FTCDNL1: variants seen among roughly 807,000 people sequenced by gnomAD.
The protein encoded by FTCDNL1 is formiminotransferase cyclodeaminase N-terminal like.
FTCDNL1 carries 11 observed loss-of-function variants against 5.9 expected under a neutral mutation model. That is an observed-to-expected ratio of 1.87 (90% CI 1.18 to 3.10). The LOEUF (loss-of-function observed/expected upper bound fraction) is 3.10. Ranked by LOEUF, FTCDNL1 falls within the 30% of genes most tolerant of loss-of-function variation. FTCDNL1 has a pLI of 0.00. For synonymous variants in FTCDNL1, 58 were observed against 24.8 expected, an observed-to-expected ratio of 2.34 and a Z score of -3.99; for missense variants, 115 against 65.5, an observed-to-expected ratio of 1.76 and a Z score of -2.61.
chr2:199,811,254 T>C lies in FTCDNL1; in HGVS notation c.*1451A>G, dbSNP rs751752259. ...ATCAGTTTTAACATTGCACAGAGTA[T>C]AATTGGAATTTTTGTCAATCTTAAT... On this transcript the variant is annotated 3_prime_UTR_variant, in exon 5 of 5. Coordinates refer to ENST00000420128, the MANE Select transcript of FTCDNL1 (RefSeq NM_001363886.2). 1.2e-4 allele frequency among the ~76,000 whole-genome samples: 19 copies of C among 152,246 alleles called. No homozygotes were observed. Among genetic ancestry groups the C allele is most frequent in the Non-Finnish European group, 2.4e-4 (16 of 68,044 alleles).
chr2:199,754,903 T>G, the FTCDNL1 span, among the ~76,000 whole-genome samples: 1 of 152,372 alleles, frequency 6.6e-6, no homozygotes, highest in African/African-American at 2.4e-5. Flanking sequence ...AATAACAGTT[T>G]AAACACTTTT....
rs374926252 is a variant in FTCDNL1 at position 199,765,556 on chromosome 2, A to ATT, written c.212-4723_212-4722dup. On this transcript the variant is annotated intron_variant, in intron 3 of 3. Coordinates refer to the FTCDNL1 transcript ENST00000416668. The stretch of plus-strand genomic sequence containing the variant: ...ATTATATATATATATATATATATAT[A>ATT]TTTTTTTTTTTTTTTTTGGAGATGG... 7.1e-3 allele frequency among the ~76,000 whole-genome samples: 302 copies of ATT among 42,624 alleles called. 9 individuals carry two copies. Among genetic ancestry groups the ATT allele is most frequent in the Middle Eastern group, 0.022 (1 of 46 alleles). 28.0% of individuals were successfully genotyped at this position (42,624 alleles called of 152,430 possible).
intron 3 of FTCDNL1, among the ~76,000 whole-genome samples, chr2:199,826,767 C>A (rs1341108994): frequency 1.3e-5 from 2 of 152,142 alleles, no homozygotes; most frequent in African/African-American, 4.8e-5. Flanking sequence ...GCAATTCAGC[C>A]TGGGTGACAG....
intron 3 of FTCDNL1, among the ~76,000 whole-genome samples, chr2:199,824,857 G>C (rs760436941): frequency 3.3e-5 from 5 of 152,158 alleles, no homozygotes; most frequent in African/African-American, 1.2e-4. Context: ...CATAATAGTG[G>C]CTGGGCATGA....
chr2:199,743,626 C>T, the FTCDNL1 span, among the ~76,000 whole-genome samples: 1 of 151,964 alleles, frequency 6.6e-6, no homozygotes, highest in Non-Finnish European at 1.5e-5. Context: ...AGACTACATG[C>T]TGTGTGGAAC....
In FTCDNL1 at chr2:199,843,467, T is replaced by C. The variant is rs555036135; in HGVS notation, c.211+2608A>G. 2.6e-5 allele frequency among the ~76,000 whole-genome samples: 4 copies of C among 152,276 alleles called. No homozygotes were observed. In the East Asian group the frequency reaches 7.7e-4, roughly 29 times the overall value. On this transcript the variant is annotated intron_variant, in intron 3 of 4. Transcript: ENST00000420128. ...TGCTGAATTTTAACTCTTTCTTGGA[T>C]AAAACGTAAAGCAAGTCTGGAGCCA...
intron 3 of FTCDNL1, 139 bp from the exon 4 acceptor site, chr2:199,819,896 A>G (rs1387609641): frequency 6.7e-6 from 4 of 599,774 alleles, no homozygotes; most frequent in Non-Finnish European, 1.2e-5. Context: ...TGTCCAGATC[A>G]GTGGCATGAA....
intron 3 of FTCDNL1, among the ~76,000 whole-genome samples, chr2:199,845,344 A>G (rs1322960680): frequency 6.6e-6 from 1 of 152,100 alleles, no homozygotes; most frequent in African/African-American, 2.4e-5. Context: ...AGGCAGGCAA[A>G]TCACTTGAGG....
the FTCDNL1 span, among the ~76,000 whole-genome samples, chr2:199,723,197 G>A: frequency 1.7e-3 from 251 of 151,638 alleles, no homozygotes; most frequent in Non-Finnish European, 3.2e-3. Context: ...ACTTATGAGT[G>A]AGAACATAAT....
At chr2:199,733,067 T>C in the FTCDNL1 span, among the ~76,000 whole-genome samples, 1 of 152,126 alleles carries the variant, frequency 6.6e-6, no homozygotes, top group African/African-American at 2.4e-5. Context: ...AGGTACAGAC[T>C]ATTAGAGGGA....
chr2:199,787,535 C>T (rs1699721051), intron 3 of FTCDNL1, among the ~76,000 whole-genome samples: 1 of 152,090 alleles, frequency 6.6e-6, no homozygotes, highest in African/African-American at 2.4e-5. Context: ...CACAGGTTCT[C>T]GGGATTAAGA....
chr2:199,847,667 T>C (rs984473423), intron 2 of FTCDNL1, among the ~76,000 whole-genome samples: 2 of 152,198 alleles, frequency 1.3e-5, no homozygotes, highest in Non-Finnish European at 2.9e-5. Context: ...CTGCCACTAA[T>C]AAGCTGATAA....
chr2:199,840,259 C>T (rs1219398150), intron 3 of FTCDNL1, among the ~76,000 whole-genome samples: 1 of 152,112 alleles, frequency 6.6e-6, no homozygotes, highest in Non-Finnish European at 1.5e-5. Flanking sequence ...ATATAAAACT[C>T]TAAGCAAACA....
chr2:199,675,087 G>A, the FTCDNL1 span, among the ~76,000 whole-genome samples: 3 of 152,094 alleles, frequency 2.0e-5, no homozygotes, highest in Non-Finnish European at 2.9e-5. Flanking sequence ...TCCATCTATT[G>A]ACCCCTTTTT....
At chr2:199,837,926 G>C (rs1174017975) in intron 3 of FTCDNL1, among the ~76,000 whole-genome samples, 1 of 152,106 alleles carries the variant, frequency 6.6e-6, no homozygotes, top group Non-Finnish European at 1.5e-5. Context: ...ATTAACTATG[G>C]TCTAGACTCT....
the FTCDNL1 span, among the ~76,000 whole-genome samples, chr2:199,672,145 A>G: frequency 6.6e-6 from 1 of 152,180 alleles, no homozygotes; most frequent in Non-Finnish European, 1.5e-5. Flanking sequence ...ATTGACTTCC[A>G]TAGCTACCTG....
chr2:199,681,340 C>T, the FTCDNL1 span, among the ~76,000 whole-genome samples: 6 of 152,170 alleles, frequency 3.9e-5, no homozygotes, highest in Non-Finnish European at 8.8e-5. Flanking sequence ...CCTGTAATCC[C>T]AGCTACTCGG....
At chr2:199,835,487 A>G (rs1574661743) in intron 3 of FTCDNL1, among the ~76,000 whole-genome samples, 1 of 152,186 alleles carries the variant, frequency 6.6e-6, no homozygotes, top group African/African-American at 2.4e-5. Flanking sequence ...TCTCCCGAGA[A>G]GCACACTCTT....
At chr2:199,847,759 G>A (rs1406232077) in intron 2 of FTCDNL1, among the ~76,000 whole-genome samples, 1 of 152,194 alleles carries the variant, frequency 6.6e-6, no homozygotes, top group African/African-American at 2.4e-5. Context: ...CACAGAGACA[G>A]GCAACCCAAT....
Sources: allele counts gnomAD v4.1 joint callset (sites outside exome capture counted in the v4.1 genomes callset), GRCh38; gene constraint gnomAD v4.1.1; transcripts MANE v1.5; gene names NCBI Gene and HGNC (gene_info 2026-07-23, HGNC 2026-07-21).